The following TOR1AIP2 variants were observed in gnomAD, a reference collection of about 807,000 sequenced individuals.
The protein encoded by TOR1AIP2 is torsin-1A-interacting protein 2.
A neutral mutation model predicts 32.6 loss-of-function variants in TOR1AIP2; 20 were observed. That is an observed-to-expected ratio of 0.61 (90% CI 0.43 to 0.89). TOR1AIP2 has a LOEUF of 0.89. TOR1AIP2 is among the 40% of genes least tolerant of loss of function. The pLI is 0.00. For missense variants in TOR1AIP2, 456 were observed against 553.8 expected (o/e 0.82, Z 1.77); for synonymous variants, 214 against 210.8 (o/e 1.02, Z -0.13).
intron 2 of TOR1AIP2, among the ~76,000 whole-genome samples, chr1:179,872,570 G>C (rs1202243133): frequency 6.6e-6 from 1 of 152,132 alleles, no homozygotes; most frequent in Non-Finnish European, 1.5e-5. Flanking sequence ...ACTAGCCTCG[G>C]AACAAAAAGC....
rs1048433743 is a variant in TOR1AIP2 at position 179,840,176 on chromosome 1, T to C, written c.*5895A>G. ...ATGCAATTGAGTTTGAAAGTCAGTGTGCTGTTTCTTTTATGACAGGAAAGG... is the reference window on the plus strand; with the variant it reads ...ATGCAATTGAGTTTGAAAGTCAGTGCGCTGTTTCTTTTATGACAGGAAAGG... On this transcript the variant is annotated 3_prime_UTR_variant, in exon 7 of 7. Transcript: ENST00000609928. 1 of 152,236 alleles carries C rather than the reference T, an allele frequency of 6.6e-6. No individual in the cohort carries two copies. Among genetic ancestry groups the C allele is most frequent in the African/African-American group, 2.4e-5 (1 of 41,458 alleles). 9.4% of individuals were successfully genotyped at this position (152,236 alleles called of 1,614,324 possible).
Position 179,845,657 on chromosome 1 carries a change from A to G in TOR1AIP2, c.*414T>C, listed in dbSNP as rs966118687. 6.4e-6 allele frequency: 1 copy of G among 155,638 alleles called. No individual in the cohort carries two copies. The highest frequency in any genetic ancestry group is 1.4e-5 in the Non-Finnish European group (1 of 70,586). 9.6% of individuals were successfully genotyped at this position (155,638 alleles called of 1,614,324 possible). A position where few individuals can be genotyped will look rare whatever the true frequency, so the allele number is the denominator to read the frequency against. On this transcript the variant is annotated 3_prime_UTR_variant, in exon 7 of 7. Coordinates refer to ENST00000609928, the MANE Select transcript of TOR1AIP2 (RefSeq NM_001199260.2). ...ATTTTCTAAAGGTTATCATTGCTTC[A>G]TAATTCTAATTGCTTTAGTCCAAGT...
chr1:179,874,151 A>G (rs909665606), intron 2 of TOR1AIP2: 7 of 152,256 alleles, frequency 4.6e-5, no homozygotes, highest in African/African-American at 1.4e-4. Flanking sequence ...GGAGCTTGCT[A>G]AAAGTACAAA....
intron 3 of TOR1AIP2, chr1:179,864,632 G>A: frequency 7.0e-7 from 1 of 1,436,508 alleles, no homozygotes; most frequent in Non-Finnish European, 9.1e-7. Flanking sequence ...AATAAAATAT[G>A]TATAGGCCAC....
rs1202854351 is a variant in TOR1AIP2 at position 179,846,012 on chromosome 1, G to A, written c.*59C>T. The A allele has an allele frequency of 6.7e-7, 1 of 1,492,338 alleles. No homozygotes were observed. The highest frequency in any genetic ancestry group is 1.4e-5 in the African/African-American group (1 of 71,538). The allele number at this position is 1,492,338 out of a possible 1,614,324, so 92.4% of individuals were successfully genotyped here. On this transcript the variant is annotated 3_prime_UTR_variant, in exon 7 of 7. Coordinates refer to ENST00000609928, the MANE Select transcript of TOR1AIP2 (RefSeq NM_001199260.2). ...CAACCTCCTTCCATATAAATGGAAG[G>A]TCTTTAAACAAACTTTTTCATAAAC...
At chr1:179,867,194 G>A (rs758250549) in intron 2 of TOR1AIP2, among the ~76,000 whole-genome samples, 6 of 152,288 alleles carry the variant, frequency 3.9e-5, no homozygotes, top group South Asian at 4.1e-4. Flanking sequence ...ATAGTGCTAC[G>A]ACAACATGGG....
chr1:179,851,341 A>AT lies in TOR1AIP2; in HGVS notation c.56dup (p.Asn19LysfsTer2). 6.4e-7 allele frequency: 1 copy of AT among 1,570,374 alleles called. No individual in the cohort carries two copies. The highest frequency in any genetic ancestry group is 8.6e-7 in the Non-Finnish European group (1 of 1,165,598). ...GCGCCTGAGAATTTACTGATGGATC[A>AT]TTTTCCAAATCCTTTTGAGAGTCTA... On this transcript the variant is annotated frameshift_variant, in exon 5 of 7. Transcript: ENST00000609928. LOFTEE classifies it high-confidence loss of function.
At chr1:179,864,950 T>C in intron 3 of TOR1AIP2, 1 of 1,614,012 alleles carries the variant, frequency 6.2e-7, no homozygotes, top group Non-Finnish European at 8.5e-7. Flanking sequence ...TCTGGTGAGA[T>C]TCTGGGGAGC....
intron 3 of TOR1AIP2, chr1:179,860,609 A>G: frequency 1.0e-6 from 1 of 985,402 alleles, no homozygotes; most frequent in Non-Finnish European, 1.2e-6. Context: ...GGTATATGTT[A>G]TTGCACTTAA....
intron 2 of TOR1AIP2, chr1:179,874,844 A>C (rs1026730422): frequency 2.0e-5 from 3 of 152,280 alleles, no homozygotes; most frequent in African/African-American, 7.2e-5. Context: ...GATCAAGTCC[A>C]ATCTACAAAT....
In TOR1AIP2 at chr1:179,850,840, C is replaced by G; in HGVS notation, c.553+5G>C. Reference sequence around the variant, plus strand: ...ACAGGAGAGTAGTTCAGGGGGTTCTCTTACCTGGGGCCAGCAGTCGCCTCC... The same window carrying G: ...ACAGGAGAGTAGTTCAGGGGGTTCTGTTACCTGGGGCCAGCAGTCGCCTCC... On this transcript the variant is annotated splice_donor_5th_base_variant and intron_variant, in intron 5 of 6. Transcript: ENST00000609928. 2 of 1,611,618 alleles carry G rather than the reference C, an allele frequency of 1.2e-6. No individual in the cohort carries two copies. Among genetic ancestry groups the G allele is most frequent in the Non-Finnish European group, 1.7e-6 (2 of 1,178,460 alleles).
At chr1:179,848,363 T>C (rs1254355119) in intron 5 of TOR1AIP2, among the ~76,000 whole-genome samples, 2 of 152,150 alleles carry the variant, frequency 1.3e-5, no homozygotes, top group Admixed American at 6.5e-5. Flanking sequence ...AGACCCCGAA[T>C]ATAAAAATAA....
intron 3 of TOR1AIP2, chr1:179,861,420 TCTA>T (rs1400166535): frequency 2.0e-6 from 2 of 985,272 alleles, no homozygotes; most frequent in East Asian, 1.1e-4. Context: ...TTTTATGAGC[TCTA>T]CTACATGATG....
intron 3 of TOR1AIP2, among the ~76,000 whole-genome samples, chr1:179,854,536 A>T (rs1217331603): frequency 1.3e-5 from 2 of 152,208 alleles, no homozygotes; most frequent in Non-Finnish European, 2.9e-5. Flanking sequence ...ATAATTCTAA[A>T]GAAGGGGGGC....
intron 4 of TOR1AIP2, among the ~76,000 whole-genome samples, chr1:179,851,924 C>T (rs1462456287): frequency 1.3e-5 from 2 of 152,134 alleles, no homozygotes; most frequent in African/African-American, 4.8e-5. Context: ...TAAATTATGC[C>T]TCAAGAATAT....
chr1:179,846,404 C>T lies in TOR1AIP2; in HGVS notation c.1080G>A (p.Lys360=), dbSNP rs1034116042. The part of the protein sequence containing the change: ...ELSYGFENGQ[K]AAVVHHFESF... The stretch of plus-strand genomic sequence containing the variant: ...ATTCGAAGTGGTGTACCACAGCAGC[C>T]TTCTGGCCATTCTCAAACCCATAGC... The change falls in exon 7 of 7, where the codon AAG becomes AAA. Residue 360 remains lysine (K), a synonymous_variant. Coordinates refer to ENST00000609928, the MANE Select transcript of TOR1AIP2 (RefSeq NM_001199260.2). 1.2e-6 allele frequency: 2 copies of T among 1,614,074 alleles called. No individual in the cohort carries two copies. The highest frequency in any genetic ancestry group is 1.3e-5 in the African/African-American group (1 of 74,930).
chr1:179,876,734 C>A (rs750037984), intron 2 of TOR1AIP2, among the ~76,000 whole-genome samples: 39 of 151,498 alleles, frequency 2.6e-4, no homozygotes, highest in Non-Finnish European at 3.1e-4. Context: ...TGTGTTAAAA[C>A]CTAAAGACAG....
At chr1:179,869,361 G>A (rs923767380) in intron 2 of TOR1AIP2, among the ~76,000 whole-genome samples, 2 of 152,132 alleles carry the variant, frequency 1.3e-5, no homozygotes, top group Non-Finnish European at 2.9e-5. Flanking sequence ...GGAAGGGTGG[G>A]GGATGGAGGG....
intron 2 of TOR1AIP2, chr1:179,874,367 T>G (rs1054690346): frequency 6.6e-6 from 1 of 152,248 alleles, no homozygotes; most frequent in Non-Finnish European, 1.5e-5. Context: ...TAAGCCATGA[T>G]AGTGCCACTA....
Sources: gnomAD v4.1 joint callset for allele counts (sites outside exome capture counted in the v4.1 genomes callset) on GRCh38, gnomAD v4.1.1 for gene constraint, MANE v1.5 for transcripts, NCBI Gene and HGNC (gene_info 2026-07-23, HGNC 2026-07-21) for gene names.